The following RGS7BP variants were observed in gnomAD, a reference collection of about 807,000 sequenced individuals.
The protein encoded by RGS7BP is regulator of G protein signaling 7 binding protein, also known as regulator of G protein signaling 7-binding protein.
A neutral mutation model predicts 31.3 loss-of-function variants in RGS7BP; 9 were observed. The ratio of observed to expected loss-of-function variants is 0.29; its 90% CI spans 0.17 to 0.50. The LOEUF is 0.50. RGS7BP is among the 20% of genes least tolerant of loss of function. The pLI is 0.98. For synonymous variants in RGS7BP, 115 were observed against 120.1 expected, an observed-to-expected ratio of 0.96 and a Z score of 0.28; for missense variants, 274 against 322.0, an observed-to-expected ratio of 0.85 and a Z score of 1.14.
rs891256530 is a variant in RGS7BP, at chr5:64,516,622, C to T, written c.332+8745C>T. 1.2e-4 allele frequency among the ~76,000 whole-genome samples: 19 copies of T among 152,326 alleles called. 1 individual carries two copies. The highest frequency in any genetic ancestry group is 6.2e-4 in the South Asian group (3 of 4,826). On this transcript the variant is annotated intron_variant, in intron 2 of 5. Transcript: ENST00000334025. ...TTTCTTCAAATTTGAAACTAGATTT[C>T]CTGTATCAGAATCATGTGGGTGGGA...
intron 2 of RGS7BP, among the ~76,000 whole-genome samples, chr5:64,517,016 GAA>G (rs58172150): frequency 3.8e-4 from 29 of 76,984 alleles, no homozygotes; most frequent in East Asian, 8.0e-4. Flanking sequence ...TTCTCGCCCA[GAA>G]AAAAAAAAAA....
chr5:64,578,525 AG>A (rs1742496283), intron 3 of RGS7BP, among the ~76,000 whole-genome samples: 1 of 152,220 alleles, frequency 6.6e-6, no homozygotes, highest in Admixed American at 6.5e-5. Context: ...AAACACATTG[AG>A]GATTAAGAAC....
At chr5:64,551,235 T>A (rs1289337202) in intron 2 of RGS7BP, among the ~76,000 whole-genome samples, 1 of 150,844 alleles carries the variant, frequency 6.6e-6, no homozygotes, top group East Asian at 1.9e-4. Context: ...GTCTTAAGGA[T>A]TTTTTTTATT....
intron 2 of RGS7BP, among the ~76,000 whole-genome samples, chr5:64,553,708 A>G (rs955449791): frequency 6.6e-6 from 1 of 152,024 alleles, no homozygotes; most frequent in Non-Finnish European, 1.5e-5. Context: ...AATAATATCT[A>G]TACATCATAA....
chr5:64,601,746 A>T (rs1743224454), intron 5 of RGS7BP, among the ~76,000 whole-genome samples: 1 of 152,196 alleles, frequency 6.6e-6, no homozygotes, highest in Non-Finnish European at 1.5e-5. Context: ...TCGCTGTGTC[A>T]AATGGATTAC....
At chr5:64,584,031 T>A (rs1185609048) in intron 3 of RGS7BP, among the ~76,000 whole-genome samples, 1 of 152,234 alleles carries the variant, frequency 6.6e-6, no homozygotes, top group Non-Finnish European at 1.5e-5. Context: ...ATGAGGTAAG[T>A]TGCCCAAGGT....
chr5:64,526,991 T>TAATGTTA (rs1749246415), intron 2 of RGS7BP, among the ~76,000 whole-genome samples: 1 of 152,190 alleles, frequency 6.6e-6, no homozygotes, highest in South Asian at 2.1e-4. Flanking sequence ...AAGAAGCACT[T>TAATGTTA]CTCTTCCAAT....
intron 3 of RGS7BP, among the ~76,000 whole-genome samples, chr5:64,592,567 G>A (rs920793281): frequency 6.6e-6 from 1 of 152,034 alleles, no homozygotes. Flanking sequence ...AGGAGGTGGA[G>A]AGAGGACTCC....
chr5:64,534,647 G>T (rs935002839), intron 2 of RGS7BP, among the ~76,000 whole-genome samples: 1 of 152,140 alleles, frequency 6.6e-6, no homozygotes, highest in African/African-American at 2.4e-5. Flanking sequence ...GTACCCTTTG[G>T]CAGATGAGAG....
At chr5:64,556,684 A>T (rs111457132) in intron 2 of RGS7BP, among the ~76,000 whole-genome samples, 1,872 of 151,962 alleles carry the variant, frequency 0.012, 50 homozygotes, top group African/African-American at 0.042. Flanking sequence ...TTGCCCTACC[A>T]CTTCTTAGCC....
chr5:64,606,193 T>C (rs1469918875), intron 5 of RGS7BP, among the ~76,000 whole-genome samples: 1 of 151,818 alleles, frequency 6.6e-6, no homozygotes, highest in African/African-American at 2.4e-5. Flanking sequence ...ATAATATCTG[T>C]GTATAATACC....
chr5:64,540,194 G>A (rs1371673749), intron 2 of RGS7BP, among the ~76,000 whole-genome samples: 1 of 151,986 alleles, frequency 6.6e-6, no homozygotes, highest in Non-Finnish European at 1.5e-5. Context: ...TGTGTTTATT[G>A]CAGAAAGTTT....
chr5:64,535,914 C>T (rs140664871), intron 2 of RGS7BP, among the ~76,000 whole-genome samples: 1 of 152,254 alleles, frequency 6.6e-6, no homozygotes, highest in Non-Finnish European at 1.5e-5. Context: ...ATGGGTAACA[C>T]AGAAAGTCTT....
At chr5:64,512,004 C>T (rs1748850968) in intron 2 of RGS7BP, among the ~76,000 whole-genome samples, 1 of 152,176 alleles carries the variant, frequency 6.6e-6, no homozygotes, top group Non-Finnish European at 1.5e-5. Flanking sequence ...CCTGTTCCAT[C>T]AGCCACACCT....
At position 64,506,695 on chromosome 5, in the gene RGS7BP, G is replaced by C. The variant is rs753894381; in HGVS notation, c.71G>C (p.Ser24Thr). ...RSTRSSIFQI[S>T]KPPLQSGDWE... The stretch of plus-strand genomic sequence containing the variant: ...ACCCGCTCCTCGATCTTCCAGATCA[G>C]CAAGCCCCCGCTGCAGAGCGGAGAT... The change falls in exon 1 of 6, where the codon AGC (serine) becomes ACC (threonine). Residue 24 changes from serine (S) to threonine (T), a missense_variant. Around this residue, in one of 3 missense-constraint regions of RGS7BP, gnomAD observed 149 missense variants for 152.6 expected, o/e 0.98. Coordinates refer to ENST00000334025, the MANE Select transcript of RGS7BP (RefSeq NM_001029875.3). This position sits in a 1 kb window ranked among gnomAD's most constrained non-coding sequence, Gnocchi z 4.6. 1 of 1,613,440 alleles carries C rather than the reference G, an allele frequency of 6.2e-7. No individual in the cohort carries two copies. Among genetic ancestry groups the C allele is most frequent in the Admixed American group, 1.7e-5 (1 of 60,022 alleles).
At chr5:64,589,277 C>T (rs1742844170) in intron 3 of RGS7BP, among the ~76,000 whole-genome samples, 1 of 151,046 alleles carries the variant, frequency 6.6e-6, no homozygotes, top group Admixed American at 6.6e-5. Context: ...GACTGGGCAA[C>T]AGAGACAGAC....
rs138138444 is a variant in RGS7BP, at chr5:64,545,252, C to T, written c.333-30522C>T. 4.8e-3 allele frequency among the ~76,000 whole-genome samples: 723 copies of T among 150,864 alleles called. 8 individuals are homozygous for T. Among genetic ancestry groups the T allele is most frequent in the African/African-American group, 0.016 (655 of 41,054 alleles). On this transcript the variant is annotated intron_variant, in intron 2 of 5. Coordinates refer to ENST00000334025, the MANE Select transcript of RGS7BP (RefSeq NM_001029875.3). ...ACACAGGAAGGGGAACATCACACACCGGGGCCTGTTGTGAGATGGGGGAGT... is the reference window on the plus strand; with the variant it reads ...ACACAGGAAGGGGAACATCACACACTGGGGCCTGTTGTGAGATGGGGGAGT...
intron 2 of RGS7BP, among the ~76,000 whole-genome samples, chr5:64,553,344 T>G (rs1204366339): frequency 1.3e-5 from 2 of 151,968 alleles, no homozygotes. Flanking sequence ...AGCTAGTTTT[T>G]GTATTTTTGT....
intron 2 of RGS7BP, among the ~76,000 whole-genome samples, chr5:64,556,535 T>C (rs1473858835): frequency 1.3e-5 from 2 of 151,840 alleles, no homozygotes; most frequent in Non-Finnish European, 2.9e-5. Context: ...TTGTTACAAT[T>C]TTTAACTTAG....
Sources: allele counts gnomAD v4.1 joint callset (sites outside exome capture counted in the v4.1 genomes callset), GRCh38; gene constraint gnomAD v4.1.1; regional missense constraint gnomAD v4.1.1; non-coding constraint Gnocchi (gnomAD v3.1); transcripts MANE v1.5; gene names NCBI Gene and HGNC (gene_info 2026-07-23, HGNC 2026-07-21).